CSNK2A1: variants seen among roughly 807,000 people sequenced by gnomAD.
The protein encoded by CSNK2A1 is casein kinase II subunit alpha.
A neutral mutation model predicts 62.9 loss-of-function variants in CSNK2A1; 10 were observed. That is an observed-to-expected ratio of 0.16 (90% CI 0.10 to 0.27). The LOEUF is 0.27. Ranked by LOEUF, CSNK2A1 falls within the 10% of genes least tolerant of loss-of-function variation. CSNK2A1 has a pLI of 1.00. For missense variants in CSNK2A1, 160 were observed against 492.0 expected, an observed-to-expected ratio of 0.33 and a Z score of 6.38; for synonymous variants, 124 against 167.8, an observed-to-expected ratio of 0.74 and a Z score of 2.02.
chr20:514,574 TG>T (rs1279491446), intron 2 of CSNK2A1, among the ~76,000 whole-genome samples: 5 of 151,902 alleles, frequency 3.3e-5, no homozygotes. Flanking sequence ...CCTGAGTAGT[TG>T]GGACTATAGC....
intron 1 of CSNK2A1, among the ~76,000 whole-genome samples, chr20:541,335 G>T (rs936045323): frequency 6.6e-6 from 1 of 152,128 alleles, no homozygotes; most frequent in Non-Finnish European, 1.5e-5. Context: ...GGGGATCAAG[G>T]TATGGCACCT....
In CSNK2A1 at chr20:477,620, C is replaced by G. The variant is rs147526802; in HGVS notation, c.*6341G>C. On this transcript the variant is annotated 3_prime_UTR_variant, in exon 14 of 14. Transcript: ENST00000217244. Reference sequence around the variant, plus strand: ...AGCCCGGGAGTCTGTGTCCTATCTCCCTGGGGGCATTCAAACCCTAGTCCA... The same window carrying G: ...AGCCCGGGAGTCTGTGTCCTATCTCGCTGGGGGCATTCAAACCCTAGTCCA... The G allele has an allele frequency of 1.3e-5, 2 of 152,306 alleles. No homozygotes were observed. The highest frequency in any genetic ancestry group is 2.9e-5 in the Non-Finnish European group (2 of 68,142). The allele number at this position is 152,306 out of a possible 1,614,324, so 9.4% of individuals were successfully genotyped here.
In CSNK2A1 at chr20:484,694, T is replaced by TTGTG. The variant is rs3055006; in HGVS notation, c.1061-622_1061-619dup. Among the ~76,000 whole-genome samples the TTGTG allele has an allele frequency of 3.3e-3, 486 of 147,704 alleles. 2 individuals are homozygous for TTGTG. The highest frequency in any genetic ancestry group is 0.017 in the East Asian group (87 of 4,996). On this transcript the variant is annotated intron_variant, in intron 13 of 13. Coordinates refer to ENST00000217244, the MANE Select transcript of CSNK2A1 (RefSeq NM_177559.3). ...TTCTTCCACCTCTCTAATCATGTTTTTGTGTGTGTGTGTGTGTGTGTGTGT... is the reference window on the plus strand; with the variant it reads ...TTCTTCCACCTCTCTAATCATGTTTTTGTGTGTGTGTGTGTGTGTGTGTGTGTGT...
At chr20:528,320 G>GCA (rs2019140537) in intron 1 of CSNK2A1, among the ~76,000 whole-genome samples, 1 of 152,216 alleles carries the variant, frequency 6.6e-6, no homozygotes, top group Non-Finnish European at 1.5e-5. Context: ...TAATAAGGTA[G>GCA]GTTGTCCTAA....
At position 478,420 on chromosome 20, in the gene CSNK2A1, G is replaced by T; in HGVS notation, c.*5541C>A. 1 of 238,178 alleles carries T rather than the reference G, an allele frequency of 4.2e-6. No individual in the cohort carries two copies. The highest frequency in any genetic ancestry group is 8.5e-6 in the Non-Finnish European group (1 of 117,260). The allele number at this position is 238,178 out of a possible 1,614,324, so 14.8% of individuals were successfully genotyped here. ...AATAGCTGAGACTCTGATTCCCAGG[G>T]TGGGATCAGGAAGCCAGCCCCAGCT... is the stretch of plus-strand genomic sequence containing the variant. On this transcript the variant is annotated 3_prime_UTR_variant, in exon 14 of 14. Coordinates refer to ENST00000217244, the MANE Select transcript of CSNK2A1 (RefSeq NM_177559.3).
chr20:486,580 C>T, intron 12 of CSNK2A1, 118 bp from the exon 13 acceptor site: 1 of 1,039,966 alleles, frequency 9.6e-7, no homozygotes. Flanking sequence ...TACATTATTC[C>T]CCAAAGAACT....
In CSNK2A1 at chr20:517,661, A is replaced by G. The variant is rs1600399676; in HGVS notation, c.-109-9001T>C. Among the ~76,000 whole-genome samples, 7 of 152,380 alleles carry G rather than the reference A, an allele frequency of 4.6e-5. No individual in the cohort carries two copies. The South Asian group carries it at 1.5e-3, about 32-fold the overall frequency. ...GGAATTATTCAGATGGAAAACATTA[A>G]AACAAGAAATTGCAAAGCGTAACAC... On this transcript the variant is annotated intron_variant, in intron 2 of 13. Transcript: ENST00000217244.
chr20:522,293 C>T (rs4815707), intron 2 of CSNK2A1, among the ~76,000 whole-genome samples: 51,709 of 152,186 alleles, frequency 0.34, 10,507 homozygotes, highest in Non-Finnish European at 0.47. Flanking sequence ...AGCAACTCTA[C>T]AGTAGAAAAA....
At chr20:537,078 A>G (rs1488652994) in intron 1 of CSNK2A1, among the ~76,000 whole-genome samples, 1 of 152,210 alleles carries the variant, frequency 6.6e-6, no homozygotes, top group Non-Finnish European at 1.5e-5. Context: ...AACTTCAGGA[A>G]AATTTCAAAT....
At chr20:485,094 AAAAAAAAAAAAAAAAATAT>A (rs2018053429) in intron 13 of CSNK2A1, among the ~76,000 whole-genome samples, 1 of 48,102 alleles carries the variant, frequency 2.1e-5, no homozygotes, top group Non-Finnish European at 4.1e-5. Context: ...AAAAAAAAAA[AAAAAAAAAAAAAAAAATAT>A]ATATATATAT....
chr20:473,479 T>C lies in CSNK2A1; in HGVS notation c.*10482A>G, dbSNP rs1181977302. ...TTCCCCCAGATGCAAGGGAGCTTCA[T>C]CCAAGGGGGTGACAGGATTTGGTGT... On this transcript the variant is annotated 3_prime_UTR_variant, in exon 14 of 14. Transcript: ENST00000217244. 6.6e-6 allele frequency: 1 copy of C among 152,336 alleles called. No individual in the cohort carries two copies. The highest frequency in any genetic ancestry group is 1.5e-5 in the Non-Finnish European group (1 of 68,162). 9.4% of individuals were successfully genotyped at this position (152,336 alleles called of 1,614,324 possible).
chr20:495,328 T>C (rs889876864), intron 8 of CSNK2A1: 3 of 176,068 alleles, frequency 1.7e-5, no homozygotes, highest in African/African-American at 7.2e-5. Context: ...TCTCGTCCAC[T>C]TAACTGTGCA....
In CSNK2A1 at chr20:503,678, T is replaced by C. The variant is rs773876643; in HGVS notation, c.213+1440A>G. 19 of 398,616 alleles carry C rather than the reference T, an allele frequency of 4.8e-5. No individual in the cohort carries two copies. The East Asian group carries it at 6.1e-4, about 13-fold the overall frequency. The allele number at this position is 398,616 out of a possible 1,614,324, so 24.7% of individuals were successfully genotyped here. ...GTGAAGCTGGGTTTGCAGTAGTTGC[T>C]GTGGTAAAAAGCAAGTACTGCACAA... On this transcript the variant is annotated intron_variant, in intron 4 of 13. Transcript: ENST00000217244.
intron 8 of CSNK2A1, chr20:494,330 C>T (rs1387541588): frequency 6.6e-6 from 1 of 152,086 alleles, no homozygotes; most frequent in African/African-American, 2.4e-5. Context: ...GCTTTTCCCC[C>T]CAATTTTAAG....
rs919428248 is a variant in CSNK2A1, at chr20:475,612, A to G, written c.*8349T>C. 1 of 152,180 alleles carries G rather than the reference A, an allele frequency of 6.6e-6. No individual in the cohort carries two copies. Among genetic ancestry groups the G allele is most frequent in the Admixed American group, 6.5e-5 (1 of 15,276 alleles). The allele number at this position is 152,180 out of a possible 1,614,324, so 9.4% of individuals were successfully genotyped here. ...TTTGTTTCTTCATTCCCCTGTAATA[A>G]GACTAAACATACACACCCTTTGCCA... On this transcript the variant is annotated 3_prime_UTR_variant, in exon 14 of 14. Transcript: ENST00000217244.
chr20:508,574 G>A lies in CSNK2A1; in HGVS notation c.-23C>T, dbSNP rs751292979. 1.2e-6 allele frequency: 2 copies of A among 1,600,580 alleles called. No individual in the cohort carries two copies. Among genetic ancestry groups the A allele is most frequent in the East Asian group, 4.5e-5 (2 of 44,708 alleles). ...CATGTCAGACAGGTTGGCGGACAAAGCTGGACTTGATGTTTGGAGATCTGG... is the reference window on the plus strand; with the variant it reads ...CATGTCAGACAGGTTGGCGGACAAAACTGGACTTGATGTTTGGAGATCTGG... On this transcript the variant is annotated 5_prime_UTR_variant, in exon 3 of 14. Coordinates refer to ENST00000217244, the MANE Select transcript of CSNK2A1 (RefSeq NM_177559.3).
rs543883704 is a variant in CSNK2A1 at position 520,507 on chromosome 20, G to A, written c.-110+7426C>T. Reference sequence around the variant, plus strand: ...ATACATATATATATAAATATATTATGTATTTTTTTCGAGATAGGGTCTGCC... The same window carrying A: ...ATACATATATATATAAATATATTATATATTTTTTTCGAGATAGGGTCTGCC... On this transcript the variant is annotated intron_variant, in intron 2 of 13. Coordinates refer to ENST00000217244, the MANE Select transcript of CSNK2A1 (RefSeq NM_177559.3). 3.9e-5 allele frequency among the ~76,000 whole-genome samples: 6 copies of A among 151,970 alleles called. No individual in the cohort carries two copies. In the East Asian group the frequency reaches 1.2e-3, roughly 29 times the overall value.
Position 479,942 on chromosome 20 carries a change from A to C in CSNK2A1, c.*4019T>G, listed in dbSNP as rs543105159. 6.6e-6 allele frequency: 1 copy of C among 152,328 alleles called. No individual in the cohort carries two copies. Among genetic ancestry groups the C allele is most frequent in the Non-Finnish European group, 1.5e-5 (1 of 68,032 alleles). 9.4% of individuals were successfully genotyped at this position (152,328 alleles called of 1,614,324 possible). On this transcript the variant is annotated 3_prime_UTR_variant, in exon 14 of 14. Transcript: ENST00000217244. ...TTCCGCAAATATTCCAAAAATCCAAAAAAATTCAAAACACTTCTGGTCCCA... is the reference window on the plus strand; with the variant it reads ...TTCCGCAAATATTCCAAAAATCCAACAAAATTCAAAACACTTCTGGTCCCA...
At position 531,475 on chromosome 20, in the gene CSNK2A1, G is replaced by A. The variant is rs78120016; in HGVS notation, c.-226-3426C>T. Among the ~76,000 whole-genome samples, 43 of 152,216 alleles carry A rather than the reference G, an allele frequency of 2.8e-4. No homozygotes were observed. The East Asian group carries it at 8.3e-3, about 29-fold the overall frequency. On this transcript the variant is annotated intron_variant, in intron 1 of 13. Coordinates refer to ENST00000217244, the MANE Select transcript of CSNK2A1 (RefSeq NM_177559.3). ...AATAAGATGGGGGAACTCTTATTTA[G>A]ACTACACAAATTTTGGAACTGAAAA... is the stretch of plus-strand genomic sequence containing the variant.
Sources: gnomAD v4.1 joint callset for allele counts (sites outside exome capture counted in the v4.1 genomes callset) on GRCh38, gnomAD v4.1.1 for gene constraint, MANE v1.5 for transcripts, NCBI Gene and HGNC (gene_info 2026-07-23, HGNC 2026-07-21) for gene names.